NLGN1: variants seen among roughly 807,000 people sequenced by gnomAD.
NLGN1 encodes the protein neuroligin 1.
In NLGN1, 12 loss-of-function variants were observed where a neutral mutation model predicts 65.5. The ratio of observed to expected loss-of-function variants is 0.18; its 90% CI spans 0.12 to 0.30. The LOEUF is 0.30. Ranked by LOEUF, NLGN1 falls within the 10% of genes least tolerant of loss-of-function variation. The pLI, the probability that NLGN1 is intolerant of heterozygous loss-of-function variation, is 1.00. For missense variants in NLGN1, 750 were observed against 1,007.1 expected (o/e 0.74, Z 3.46); for synonymous variants, 350 against 359.5 (o/e 0.97, Z 0.30).
intron 1 of NLGN1, among the ~76,000 whole-genome samples, chr3:173,400,618 C>G (rs1259827817): frequency 1.3e-5 from 2 of 152,008 alleles, no homozygotes; most frequent in African/African-American, 4.8e-5. Context: ...GTGGTCTTTC[C>G]TTCATCATGA....
chr3:173,871,449 C>G (rs960924662), intron 4 of NLGN1, among the ~76,000 whole-genome samples: 2 of 152,142 alleles, frequency 1.3e-5, no homozygotes, highest in African/African-American at 4.8e-5. Context: ...TGAGGAGCCA[C>G]TAGACGTAGA....
At chr3:173,739,021 G>A (rs1053050442) in intron 3 of NLGN1, among the ~76,000 whole-genome samples, 2 of 152,050 alleles carry the variant, frequency 1.3e-5, no homozygotes, top group African/African-American at 4.8e-5. Flanking sequence ...TGTTCAAGAA[G>A]TATGACATAA....
chr3:174,211,251 G>A (rs979005160), intron 4 of NLGN1, among the ~76,000 whole-genome samples: 1 of 152,206 alleles, frequency 6.6e-6, no homozygotes, highest in South Asian at 2.1e-4. Flanking sequence ...GGCTCTGGCA[G>A]CCTGCTTTTA....
intron 3 of NLGN1, among the ~76,000 whole-genome samples, chr3:173,650,039 G>A (rs1333070110): frequency 1.3e-5 from 2 of 151,702 alleles, no homozygotes; most frequent in East Asian, 1.9e-4. Context: ...ATTTGCATAT[G>A]TATATACGTG....
At chr3:174,273,265 A>C (rs7617979) in intron 4 of NLGN1, among the ~76,000 whole-genome samples, 32,939 of 150,954 alleles carry the variant, frequency 0.22, 3,732 homozygotes, top group Middle Eastern at 0.28. Context: ...TCATAACAAG[A>C]GTATTATGTT....
At chr3:173,793,665 C>T (rs970416916) in intron 3 of NLGN1, among the ~76,000 whole-genome samples, 6 of 152,108 alleles carry the variant, frequency 3.9e-5, no homozygotes, top group Admixed American at 2.6e-4. Context: ...TTTTTGGTGA[C>T]ATTAATTTTA....
At chr3:173,572,254 A>C (rs2149334954) in intron 2 of NLGN1, among the ~76,000 whole-genome samples, 1 of 152,346 alleles carries the variant, frequency 6.6e-6, no homozygotes, top group South Asian at 2.1e-4. Context: ...AGGGGACCAA[A>C]TATTGGTATT....
At chr3:174,210,127 A>G (rs1254366347) in intron 4 of NLGN1, among the ~76,000 whole-genome samples, 1 of 152,136 alleles carries the variant, frequency 6.6e-6, no homozygotes, top group Non-Finnish European at 1.5e-5. Flanking sequence ...TATGAGTTCA[A>G]ATACCTTTTT....
At chr3:173,435,858 C>T (rs1170609828) in intron 2 of NLGN1, among the ~76,000 whole-genome samples, 1 of 152,014 alleles carries the variant, frequency 6.6e-6, no homozygotes, top group Non-Finnish European at 1.5e-5. Flanking sequence ...AGAAAGAAAA[C>T]TTTAGTAAAA....
At chr3:174,158,489 G>A (rs901609087) in intron 4 of NLGN1, among the ~76,000 whole-genome samples, 1 of 151,506 alleles carries the variant, frequency 6.6e-6, no homozygotes, top group Non-Finnish European at 1.5e-5. Context: ...TCCCTGGAAA[G>A]TCATTGTGAT....
chr3:174,119,559 TG>T (rs776352787), intron 4 of NLGN1, among the ~76,000 whole-genome samples: 7 of 152,150 alleles, frequency 4.6e-5, no homozygotes, highest in Non-Finnish European at 8.8e-5. Context: ...GGACTTACAT[TG>T]GGGTTGTCTA....
chr3:173,993,766 G>A (rs1721652535), intron 4 of NLGN1, among the ~76,000 whole-genome samples: 1 of 151,664 alleles, frequency 6.6e-6, no homozygotes, highest in Non-Finnish European at 1.5e-5. Flanking sequence ...TATATATAGT[G>A]TGTGTATATA....
intron 2 of NLGN1, among the ~76,000 whole-genome samples, chr3:173,522,580 G>A (rs1014025451): frequency 2.7e-5 from 4 of 148,408 alleles, no homozygotes; most frequent in Non-Finnish European, 4.5e-5. Flanking sequence ...ACAGGTGCCC[G>A]CCACTACGCC....
At chr3:173,498,876 C>G (rs1344450055) in intron 2 of NLGN1, among the ~76,000 whole-genome samples, 3 of 151,672 alleles carry the variant, frequency 2.0e-5, no homozygotes, top group Non-Finnish European at 4.4e-5. Context: ...CTGTTCATAT[C>G]CTTCGCCCAC....
chr3:173,659,745 G>T (rs991699665), intron 3 of NLGN1, among the ~76,000 whole-genome samples: 1 of 151,248 alleles, frequency 6.6e-6, no homozygotes, highest in Non-Finnish European at 1.5e-5. Context: ...GATTCTCTGG[G>T]CTTCTGTGTG....
intron 4 of NLGN1, among the ~76,000 whole-genome samples, chr3:173,933,359 CTT>C (rs984844001): frequency 4.6e-5 from 7 of 152,038 alleles, no homozygotes; most frequent in Non-Finnish European, 1.0e-4. Flanking sequence ...TAGTGGGAGA[CTT>C]TACAATAAGA....
chr3:173,965,885 A>G (rs897110055), intron 4 of NLGN1, among the ~76,000 whole-genome samples: 1 of 152,164 alleles, frequency 6.6e-6, no homozygotes, highest in Non-Finnish European at 1.5e-5. Flanking sequence ...ACATTGTAAA[A>G]CATAATTTTT....
At chr3:173,606,267 G>T (rs1751398236) in intron 3 of NLGN1, among the ~76,000 whole-genome samples, 1 of 152,004 alleles carries the variant, frequency 6.6e-6, no homozygotes, top group Non-Finnish European at 1.5e-5. Context: ...TGATTCAGAA[G>T]CTACAATTAA....
chr3:173,641,536 C>A (rs1757422483), intron 3 of NLGN1, among the ~76,000 whole-genome samples: 1 of 152,258 alleles, frequency 6.6e-6, no homozygotes, highest in South Asian at 2.1e-4. Flanking sequence ...GGTGATCCAC[C>A]CACCTAAGCC....
Sources: gnomAD v4.1 joint callset for allele counts (sites outside exome capture counted in the v4.1 genomes callset) on GRCh38, gnomAD v4.1.1 for gene constraint, MANE v1.5 for transcripts, NCBI Gene and HGNC (gene_info 2026-07-23, HGNC 2026-07-21) for gene names.